The following CDC42EP3 variants were observed in gnomAD, a reference collection of about 807,000 sequenced individuals.
The protein encoded by CDC42EP3 is CDC42 effector protein (Rho GTPase binding) 3.
CDC42EP3 carries 4 observed loss-of-function variants against 15.5 expected under a neutral mutation model. That is an observed-to-expected ratio of 0.26 (90% confidence interval 0.13 to 0.59). CDC42EP3 has a LOEUF of 0.59. CDC42EP3 is among the 20% of genes least tolerant of loss of function. The pLI is 0.89. For synonymous variants in CDC42EP3, 145 were observed against 130.3 expected, an observed-to-expected ratio of 1.11 and a Z score of -0.77; for missense variants, 309 against 311.2, an observed-to-expected ratio of 0.99 and a Z score of 0.05.
At chr2:37,671,375 C>G (rs1033530577) in intron 1 of CDC42EP3, 51 bp downstream of exon 1, 2 of 152,428 alleles carry the variant, frequency 1.3e-5, no homozygotes, top group South Asian at 4.1e-4. Flanking sequence ...GCGGGCGGGA[C>G]AGACTCACAG....
At chr2:37,655,351 AT>A (rs1425345872) in intron 1 of CDC42EP3, among the ~76,000 whole-genome samples, 1 of 152,256 alleles carries the variant, frequency 6.6e-6, no homozygotes, top group Non-Finnish European at 1.5e-5. Context: ...CACAAATACC[AT>A]ATGTGAGACT....
intron 1 of CDC42EP3, among the ~76,000 whole-genome samples, chr2:37,662,810 G>A (rs1196789573): frequency 1.3e-5 from 2 of 152,174 alleles, no homozygotes; most frequent in African/African-American, 2.4e-5. Flanking sequence ...TTGGTGCTGC[G>A]ACATGCACAG....
chr2:37,665,005 C>G (rs1414579493), intron 1 of CDC42EP3, among the ~76,000 whole-genome samples: 3 of 151,942 alleles, frequency 2.0e-5, no homozygotes, highest in Admixed American at 2.0e-4. Flanking sequence ...ACATCAAAAC[C>G]CCGTGACATG....
intron 1 of CDC42EP3, among the ~76,000 whole-genome samples, chr2:37,650,929 C>G (rs1045861234): frequency 1.2e-4 from 19 of 152,096 alleles, no homozygotes; most frequent in African/African-American, 4.6e-4. Context: ...AGGGATTTAC[C>G]CAACTCACAG....
chr2:37,650,941 G>A (rs2058401), intron 1 of CDC42EP3, among the ~76,000 whole-genome samples: 3 of 152,192 alleles, frequency 2.0e-5, no homozygotes, highest in Admixed American at 2.0e-4. Context: ...AACTCACAGA[G>A]AAATAACAAG....
At chr2:37,666,966 T>C (rs893979315) in intron 1 of CDC42EP3, among the ~76,000 whole-genome samples, 4 of 152,172 alleles carry the variant, frequency 2.6e-5, no homozygotes, top group African/African-American at 9.6e-5. Flanking sequence ...GCTCCAAGAC[T>C]GTAACCATTG....
chr2:37,646,639 TCA>T lies in CDC42EP3; in HGVS notation c.-54_-53del, dbSNP rs1273478596. On this transcript the variant is annotated 5_prime_UTR_variant, in exon 2 of 2. Transcript: ENST00000295324. ...CAAGCGGGAGAAAGGGCCACTTTCT[TCA>T]CAGATGGTATATGTTTCTGAATCCT... is the stretch of plus-strand genomic sequence containing the variant. 1 of 1,440,634 alleles carries T rather than the reference TCA, an allele frequency of 6.9e-7. No homozygotes were observed. The highest frequency in any genetic ancestry group is 2.3e-5 in the Admixed American group (1 of 43,684). 89.2% of individuals were successfully genotyped at this position (1,440,634 alleles called of 1,614,324 possible). A position where few individuals can be genotyped will look rare whatever the true frequency, so the allele number is the denominator to read the frequency against.
At chr2:37,671,203 G>T (rs1666407176) in intron 1 of CDC42EP3, among the ~76,000 whole-genome samples, 1 of 152,240 alleles carries the variant, frequency 6.6e-6, no homozygotes, top group Non-Finnish European at 1.5e-5. Context: ...GGCACAAATG[G>T]TGGAGCTCTG....
rs1047007869 is a variant in CDC42EP3 at position 37,645,650 on chromosome 2, T to C, written c.*173A>G. 4 of 528,102 alleles carry C rather than the reference T, an allele frequency of 7.6e-6. No homozygotes were observed. Among genetic ancestry groups the C allele is most frequent in the Non-Finnish European group, 1.3e-5 (4 of 316,544 alleles). The allele number at this position is 528,102 out of a possible 1,614,324, so 32.7% of individuals were successfully genotyped here. A position where few individuals can be genotyped will look rare whatever the true frequency, so the allele number is the denominator to read the frequency against. On this transcript the variant is annotated 3_prime_UTR_variant, in exon 2 of 2. Transcript: ENST00000295324. ...AAGATAGGTTTTGCTTTGTTGTTTT[T>C]TTCTAAATTGTTTTTGCAAACAGGG...
intron 1 of CDC42EP3, among the ~76,000 whole-genome samples, chr2:37,650,296 T>C (rs779261766): frequency 6.6e-6 from 1 of 152,228 alleles, no homozygotes; most frequent in Non-Finnish European, 1.5e-5. Context: ...GCTAAGTCCA[T>C]GCAGCTTGAT....
chr2:37,651,855 A>G (rs1665690918), intron 1 of CDC42EP3, among the ~76,000 whole-genome samples: 1 of 152,188 alleles, frequency 6.6e-6, no homozygotes, highest in Non-Finnish European at 1.5e-5. Flanking sequence ...CCATGACTTG[A>G]AATCCCATCC....
At chr2:37,668,620 C>T (rs1167006558) in intron 1 of CDC42EP3, among the ~76,000 whole-genome samples, 1 of 152,220 alleles carries the variant, frequency 6.6e-6, no homozygotes, top group African/African-American at 2.4e-5. Context: ...GCCACTCATG[C>T]CTGCACATAT....
In CDC42EP3 at chr2:37,646,165, G is replaced by C; in HGVS notation, c.423C>G (p.Pro141=). 1.2e-6 allele frequency: 2 copies of C among 1,614,136 alleles called. No homozygotes were observed. The highest frequency in any genetic ancestry group is 1.7e-6 in the Non-Finnish European group (2 of 1,179,996). ...KQESFGPAKL[P]RLSCEPVMEE... is the part of the protein sequence containing the mutation. ...CCATGACGGGCTCGCAGCTAAGCCT[G>C]GGCAGCTTTGCTGGCCCGAAGGACT... is the stretch of plus-strand genomic sequence containing the variant. Residue 141 remains proline (P), a synonymous_variant, in exon 2 of 2, where the codon CCC becomes CCG. Coordinates refer to ENST00000295324, the MANE Select transcript of CDC42EP3 (RefSeq NM_006449.5).
Position 37,666,446 on chromosome 2 carries a change from A to C in CDC42EP3, c.-236+4980T>G, listed in dbSNP as rs1666252966. Among the ~76,000 whole-genome samples, 3 of 152,334 alleles carry C rather than the reference A, an allele frequency of 2.0e-5. No homozygotes were observed. In the South Asian group the frequency reaches 6.2e-4, roughly 32 times the overall value. On this transcript the variant is annotated intron_variant, in intron 1 of 1. Transcript: ENST00000295324. ...TAATTGCAGGTGTGTGATCTCTGCA[A>C]CATGGTTTAACAAAGGGCCAAAGGC...
chr2:37,645,685 T>TA lies in CDC42EP3; in HGVS notation c.*137dup, dbSNP rs771112737. 73 of 734,998 alleles carry TA rather than the reference T, an allele frequency of 9.9e-5. No homozygotes were observed. Among genetic ancestry groups the TA allele is most frequent in the Middle Eastern group, 4.2e-4 (1 of 2,400 alleles). 45.5% of individuals were successfully genotyped at this position (734,998 alleles called of 1,614,324 possible). ...GTTTTTGCAAACAGGGCATAACAGG[T>TA]AAAAAAATACTTTGTAAGAATATTA... On this transcript the variant is annotated 3_prime_UTR_variant, in exon 2 of 2. Coordinates refer to ENST00000295324, the MANE Select transcript of CDC42EP3 (RefSeq NM_006449.5).
intron 1 of CDC42EP3, among the ~76,000 whole-genome samples, chr2:37,650,385 G>A (rs1196882369): frequency 1.3e-5 from 2 of 152,168 alleles, no homozygotes; most frequent in African/African-American, 4.8e-5. Flanking sequence ...AAACCTAATG[G>A]GATAGTTTCT....
intron 1 of CDC42EP3, chr2:37,647,390 T>A (rs1273632078): frequency 6.6e-6 from 1 of 152,226 alleles, no homozygotes; most frequent in African/African-American, 2.4e-5. Flanking sequence ...CCCTAGAAAG[T>A]TACCTTTTCT....
rs182418068 is a variant in CDC42EP3 at position 37,663,335 on chromosome 2, C to G, written c.-236+8091G>C. On this transcript the variant is annotated intron_variant, in intron 1 of 1. Transcript: ENST00000295324. ...GAGGCCGCAGCAATGATGCACTCCA[C>G]TGTGGAGAGACTGACGCTAATATAA... is the stretch of plus-strand genomic sequence containing the variant. Among the ~76,000 whole-genome samples the G allele has an allele frequency of 1.8e-3, 268 of 152,348 alleles. 1 individual carries two copies. Among genetic ancestry groups the G allele is most frequent in the Admixed American group, 2.7e-3 (42 of 15,304 alleles).
At chr2:37,669,233 T>TAAA (rs577020049) in intron 1 of CDC42EP3, among the ~76,000 whole-genome samples, 1,401 of 121,340 alleles carry the variant, frequency 0.012, 24 homozygotes, top group African/African-American at 0.041. Context: ...ATGGCCTGGC[T>TAAA]AAAAAAAAAA....
Sources: gnomAD v4.1 joint callset for allele counts (sites outside exome capture counted in the v4.1 genomes callset) on GRCh38, gnomAD v4.1.1 for gene constraint, MANE v1.5 for transcripts, NCBI Gene and HGNC (gene_info 2026-07-23, HGNC 2026-07-21) for gene names.